ITPRID2: variants seen among roughly 807,000 people sequenced by gnomAD.
ITPRID2 encodes the protein protein ITPRID2.
Under a neutral mutation model 124.3 loss-of-function variants are expected in ITPRID2, and 60 were observed. The observed-to-expected ratio is 0.48, with a 90% CI of 0.39 to 0.60. The LOEUF is 0.60. Ranked by LOEUF, ITPRID2 falls within the 20% of genes least tolerant of loss-of-function variation. The pLI is 0.00. For synonymous variants in ITPRID2, 521 were observed against 542.9 expected, an observed-to-expected ratio of 0.96 and a Z score of 0.56; for missense variants, 1,553 against 1,512.2, an observed-to-expected ratio of 1.03 and a Z score of -0.45.
Position 181,902,606 on chromosome 2 carries a change from C to T in ITPRID2, c.1413+140C>T. 1.5e-6 allele frequency: 1 copy of T among 655,198 alleles called. No individual in the cohort carries two copies. Among genetic ancestry groups the T allele is most frequent in the Non-Finnish European group, 2.4e-6 (1 of 409,310 alleles). The allele number at this position is 655,198 out of a possible 1,614,324, so 40.6% of individuals were successfully genotyped here. A position where few individuals can be genotyped will look rare whatever the true frequency, so the allele number is the denominator to read the frequency against. Reference sequence around the variant, plus strand: ...ATTTTGACTTTCCAGGTTTATGTTTCACAAACCAAGAATTGGTCTCAGGAT... The same window carrying T: ...ATTTTGACTTTCCAGGTTTATGTTTTACAAACCAAGAATTGGTCTCAGGAT... On this transcript the variant is annotated intron_variant, in intron 8 of 17. Transcript: ENST00000431877. The surrounding 1 kb of genome is among the most constrained non-coding windows in gnomAD (Gnocchi z 4.4).
chr2:181,898,483 T>A (rs1243093525), intron 4 of ITPRID2, among the ~76,000 whole-genome samples: 2 of 152,094 alleles, frequency 1.3e-5, no homozygotes, highest in African/African-American at 4.8e-5. Flanking sequence ...CACTTAATGT[T>A]AAATCATGTT....
rs1693479994 is a variant in ITPRID2, at chr2:181,910,070, G to T, written c.1486+99G>T. Reference sequence around the variant, plus strand: ...ATCAGTATTTGTAGTATTTATGAGTGTGAAAAGGCAAAGAACACACACAGG... The same window carrying T: ...ATCAGTATTTGTAGTATTTATGAGTTTGAAAAGGCAAAGAACACACACAGG... On this transcript the variant is annotated intron_variant, in intron 9 of 17. Transcript: ENST00000431877. This position sits in a 1 kb window ranked among gnomAD's most constrained non-coding sequence, Gnocchi z 4.1. The T allele has an allele frequency of 1.2e-6, 1 of 849,248 alleles. No individual in the cohort carries two copies. Among genetic ancestry groups the T allele is most frequent in the East Asian group, 2.8e-5 (1 of 35,482 alleles). 52.6% of individuals were successfully genotyped at this position (849,248 alleles called of 1,614,324 possible). A position where few individuals can be genotyped will look rare whatever the true frequency, so the allele number is the denominator to read the frequency against.
Position 181,919,307 on chromosome 2 carries a change from A to C in ITPRID2, c.3005A>C (p.Asp1002Ala). 1 of 1,614,086 alleles carries C rather than the reference A, an allele frequency of 6.2e-7. No individual in the cohort carries two copies. Among genetic ancestry groups the C allele is most frequent in the Non-Finnish European group, 8.5e-7 (1 of 1,180,030 alleles). ...CACCATACCAATAGGTTTGAAGTTG[A>C]TCAGCTCCAGGGTTTGAGAAATTCA... The part of the protein sequence containing the change: ...HMTEEERFEV[D>A]QLQGLRNSVR... The change falls in exon 14 of 18, where the codon GAT becomes GCT. Residue 1002 changes from aspartate (D) to alanine (A), a missense_variant. Transcript: ENST00000431877. The surrounding 1 kb of genome is among the most constrained non-coding windows in gnomAD (Gnocchi z 4.2).
chr2:181,920,561 C>A (rs769239814), intron 14 of ITPRID2, 36 bp from the exon 15 acceptor site: 9 of 1,439,914 alleles, frequency 6.3e-6, no homozygotes, highest in Non-Finnish European at 8.8e-6. Context: ...TATATACACA[C>A]ACATATACAT....
At chr2:181,924,991 G>A (rs1694741752) in intron 16 of ITPRID2, among the ~76,000 whole-genome samples, 1 of 152,202 alleles carries the variant, frequency 6.6e-6, no homozygotes, top group African/African-American at 2.4e-5. Flanking sequence ...CATGCCCACA[G>A]AAGCCAATTC....
chr2:181,912,921 A>G (rs984952424), intron 9 of ITPRID2, among the ~76,000 whole-genome samples: 6 of 152,190 alleles, frequency 3.9e-5, no homozygotes, highest in Non-Finnish European at 7.3e-5. Flanking sequence ...AGTTGAACCT[A>G]TTTGGTTGAG....
chr2:181,909,960 A>C lies in ITPRID2; in HGVS notation c.1475A>C (p.Lys492Thr). 2.5e-6 allele frequency: 4 copies of C among 1,612,698 alleles called. No homozygotes were observed. Among genetic ancestry groups the C allele is most frequent in the Non-Finnish European group, 3.4e-6 (4 of 1,179,000 alleles). The part of the protein sequence containing the change: ...VPATYQLGLT[K>T]SKRDHLLRTA... ...GCCACTTACCAGCTAGGTCTTACGAAGTCGAAAAGAGGTAAGTGGACCAGT... is the reference window on the plus strand; with the variant it reads ...GCCACTTACCAGCTAGGTCTTACGACGTCGAAAAGAGGTAAGTGGACCAGT... Residue 492 changes from lysine to threonine, a missense_variant, in exon 9 of 18, where the codon AAG becomes ACG. Physicochemically the swap from Lys to Thr is moderately conservative, Grantham distance 78 (BLOSUM62 -1). Coordinates refer to ENST00000431877, the MANE Select transcript of ITPRID2 (RefSeq NM_001130445.3).
In ITPRID2 at chr2:181,924,794, C is replaced by T. The variant is rs980295025; in HGVS notation, c.3675+2382C>T. On this transcript the variant is annotated intron_variant, in intron 16 of 17. Transcript: ENST00000431877. ...TTAATACACTAATTACATAGCTAAA[C>T]TTTTGTCATATTAAAGATACCTCTT... is the stretch of plus-strand genomic sequence containing the variant. Among the ~76,000 whole-genome samples the T allele has an allele frequency of 2.6e-5, 4 of 152,286 alleles. No individual in the cohort carries two copies. In the South Asian group the frequency reaches 6.2e-4, roughly 24 times the overall value.
intron 2 of ITPRID2, chr2:181,894,639 T>A (rs559661009): frequency 6.6e-6 from 1 of 152,184 alleles, no homozygotes; most frequent in Non-Finnish European, 1.5e-5. Context: ...TCTCAAATAG[T>A]CTTTGTTTCT....
chr2:181,928,488 A>C (rs1012480823), intron 17 of ITPRID2, among the ~76,000 whole-genome samples: 4 of 152,198 alleles, frequency 2.6e-5, no homozygotes, highest in African/African-American at 9.7e-5. Flanking sequence ...GGAATTACTT[A>C]TATTGGGTCA....
rs143367120 is a variant in ITPRID2, at chr2:181,897,213, AGTTTGTAACAAACC to A, written c.364+252_364+265del. 8.9e-3 allele frequency among the ~76,000 whole-genome samples: 1,357 copies of A among 152,126 alleles called. 10 individuals carry two copies. Among genetic ancestry groups the A allele is most frequent in the African/African-American group, 0.031 (1,281 of 41,546 alleles). On this transcript the variant is annotated intron_variant, in intron 4 of 17. Coordinates refer to ENST00000431877, the MANE Select transcript of ITPRID2 (RefSeq NM_001130445.3). ...TCTTGGACTAAATGCTTAAAGGAAC[AGTTTGTAACAAACC>A]GTGGTAATATAACTGAGGGAAGAAT...
At chr2:181,904,905 G>A (rs1261150648) in intron 8 of ITPRID2, among the ~76,000 whole-genome samples, 1 of 152,138 alleles carries the variant, frequency 6.6e-6, no homozygotes, top group Non-Finnish European at 1.5e-5. Flanking sequence ...AATAGATGAT[G>A]AGACTGCTCC....
intron 2 of ITPRID2, 112 bp from the exon 3 acceptor site, chr2:181,895,918 T>C (rs1360664657): frequency 1.2e-5 from 10 of 853,418 alleles, no homozygotes; most frequent in Non-Finnish European, 1.4e-5. Flanking sequence ...GAGGAGAGTT[T>C]AACTGTGATT....
At chr2:181,922,926 A>G (rs1694583055) in intron 16 of ITPRID2, among the ~76,000 whole-genome samples, 1 of 152,224 alleles carries the variant, frequency 6.6e-6, no homozygotes, top group Admixed American at 6.5e-5. Flanking sequence ...CATCTCAAAA[A>G]AAAAAGAAAC....
rs2125098779 is a variant in ITPRID2, at chr2:181,916,031, A to G, written c.2391A>G (p.Lys797=). The change falls in exon 11 of 18, where the codon AAA becomes AAG. Residue 797 remains lysine (K), a synonymous_variant. Transcript: ENST00000431877. The part of the protein sequence containing the change: ...VMEHDGQSLV[K]STIFISPSSV... ...AACATGATGGTCAGTCTTTAGTTAAATCGACCATTTTCATCTCTCCATCAT... is the reference window on the plus strand; with the variant it reads ...AACATGATGGTCAGTCTTTAGTTAAGTCGACCATTTTCATCTCTCCATCAT... 2 of 1,614,188 alleles carry G rather than the reference A, an allele frequency of 1.2e-6. No individual in the cohort carries two copies. The highest frequency in any genetic ancestry group is 2.2e-5 in the East Asian group (1 of 44,884).
chr2:181,899,187 G>T (rs1692461011), intron 6 of ITPRID2, 75 bp downstream of exon 6: 2 of 1,077,764 alleles, frequency 1.9e-6, no homozygotes, highest in East Asian at 5.0e-5. Flanking sequence ...TTCAATCTTG[G>T]ATTTGACCTT....
At position 181,915,722 on chromosome 2, in the gene ITPRID2, T is replaced by A; in HGVS notation, c.2082T>A (p.Ala694=). 1 of 1,614,094 alleles carries A rather than the reference T, an allele frequency of 6.2e-7. No individual in the cohort carries two copies. Among genetic ancestry groups the A allele is most frequent in the Non-Finnish European group, 8.5e-7 (1 of 1,180,030 alleles). Residue 694 remains alanine, a synonymous_variant, in exon 11 of 18, where the codon GCT becomes GCA. Coordinates refer to ENST00000431877, the MANE Select transcript of ITPRID2 (RefSeq NM_001130445.3). Reference sequence around the variant, plus strand: ...CTTCCATGGACAGAGTTAATACAGCTTTGCAAAGAGCTCAAATGAAGGTTT... The same window carrying A: ...CTTCCATGGACAGAGTTAATACAGCATTGCAAAGAGCTCAAATGAAGGTTT... The part of the protein sequence containing the change: ...PPSSMDRVNT[A]LQRAQMKVCS...
chr2:181,904,200 T>C lies in ITPRID2; in HGVS notation c.1413+1734T>C, dbSNP rs1692906825. 2.0e-5 allele frequency among the ~76,000 whole-genome samples: 3 copies of C among 152,180 alleles called. No individual in the cohort carries two copies. The South Asian group carries it at 6.2e-4, about 31-fold the overall frequency. On this transcript the variant is annotated intron_variant, in intron 8 of 17. Coordinates refer to ENST00000431877, the MANE Select transcript of ITPRID2 (RefSeq NM_001130445.3). ...TGTACTTTTGTGGCAAGTTAACCTTTAATGATAGTCTGGGGGTTTTTTGCC... is the reference window on the plus strand; with the variant it reads ...TGTACTTTTGTGGCAAGTTAACCTTCAATGATAGTCTGGGGGTTTTTTGCC...
Position 181,921,966 on chromosome 2 carries a change from G to A in ITPRID2, c.3229G>A (p.Glu1077Lys), listed in dbSNP as rs769153085. ...TCTCCAGGTCACTGAACTGATGCAG[G>A]AGCAGTCATACCTGAAGTCTGAATT... Reference protein sequence around the residue: ...VMEPVTELMQEQSYLKSELGL... With the variant: ...VMEPVTELMQKQSYLKSELGL... The change falls in exon 16 of 18, where the codon GAG becomes AAG. Residue 1077 changes from glutamate to lysine, a missense_variant. By Grantham distance (56) the Glu-to-Lys change is moderately conservative. Coordinates refer to ENST00000431877, the MANE Select transcript of ITPRID2 (RefSeq NM_001130445.3). 2 of 1,613,954 alleles carry A rather than the reference G, an allele frequency of 1.2e-6. No homozygotes were observed. Among genetic ancestry groups the A allele is most frequent in the Non-Finnish European group, 1.7e-6 (2 of 1,179,980 alleles).
Sources: allele counts gnomAD v4.1 joint callset (sites outside exome capture counted in the v4.1 genomes callset), GRCh38; gene constraint gnomAD v4.1.1; non-coding constraint Gnocchi (gnomAD v3.1); transcripts MANE v1.5; gene names NCBI Gene and HGNC (gene_info 2026-07-23, HGNC 2026-07-21).